Variants in PARP2 observed in about 807,000 individuals in gnomAD.
The protein encoded by PARP2 is poly(ADP-ribose) polymerase 2.
A neutral mutation model predicts 77.8 loss-of-function variants in PARP2; 57 were observed. The observed-to-expected ratio is 0.73, with a 90% CI of 0.59 to 0.91. The LOEUF (loss-of-function observed/expected upper bound fraction) is 0.91. Among genes scored for constraint, PARP2 ranks in the 40% least tolerant of loss-of-function variants. The pLI is 0.00. For missense variants in PARP2, 651 were observed against 689.0 expected (o/e 0.94, Z 0.62); for synonymous variants, 226 against 242.6 (o/e 0.93, Z 0.64).
intron 8 of PARP2, 155 bp from the exon 9 acceptor site, chr14:20,354,654 C>T: frequency 1.4e-6 from 1 of 706,528 alleles, no homozygotes. Context: ...GTGTTTGTGC[C>T]ACGGCACTCA....
At chr14:20,345,325 C>G (rs183840359) in intron 2 of PARP2, 69 bp from the exon 3 acceptor site, 2 of 1,381,968 alleles carry the variant, frequency 1.4e-6, no homozygotes, top group Admixed American at 1.8e-5. Flanking sequence ...TTAATCCTGA[C>G]AAGTTTCTGT....
rs1594302243 is a variant in PARP2, at chr14:20,354,192, G to C, written c.708G>C (p.Gln236His). ...QELIKLICNV[Q>H]AMEEMMMEMK... ...TAATAAAGTTGATCTGTAATGTTCA[G>C]GCCATGGAAGAAATGATGATGGAAA... Residue 236 changes from glutamine to histidine, a missense_variant, in exon 8 of 16, where the codon CAG (glutamine) becomes CAC (histidine). Gln to His is a conservative substitution (Grantham distance 24, BLOSUM62 0). Coordinates refer to ENST00000429687, the MANE Select transcript of PARP2 (RefSeq NM_001042618.2). 1 of 1,613,704 alleles carries C rather than the reference G, an allele frequency of 6.2e-7. No homozygotes were observed. The highest frequency in any genetic ancestry group is 2.2e-5 in the East Asian group (1 of 44,866).
In PARP2 at chr14:20,355,975, T is replaced by G; in HGVS notation, c.1045T>G (p.Tyr349Asp). ...CCCAGAACACCCATTGGACCAACAC[T>G]ATAGAAACCTACATTGTGCCTTGCG... ...QSPEHPLDQH[Y>D]RNLHCALRPL... is the part of the protein sequence containing the mutation. Residue 349 changes from tyrosine (Y) to aspartate (D), a missense_variant, in exon 11 of 16, where the codon TAT becomes GAT. Tyr to Asp is a radical substitution (Grantham distance 160, BLOSUM62 -3). Transcript: ENST00000429687. 1.9e-6 allele frequency: 3 copies of G among 1,614,044 alleles called. No homozygotes were observed. Among genetic ancestry groups the G allele is most frequent in the Non-Finnish European group, 2.5e-6 (3 of 1,179,902 alleles).
chr14:20,356,356 A>G lies in PARP2; in HGVS notation c.1151A>G (p.Tyr384Cys), dbSNP rs777215188. 3 of 1,613,990 alleles carry G rather than the reference A, an allele frequency of 1.9e-6. No individual in the cohort carries two copies. The highest frequency in any genetic ancestry group is 1.3e-5 in the African/African-American group (1 of 74,940). Residue 384 changes from tyrosine to cysteine, a missense_variant, in exon 12 of 16, where the codon TAT becomes TGT. Physicochemically the swap from Tyr to Cys is radical, Grantham distance 194. Transcript: ENST00000429687. ...QSTHAPTHSD[Y>C]TMTLLDLFEV... ...ACCCATGCTCCCACACACAGCGACT[A>G]TACCATGACCTTGCTGGATTTGTTT...
chr14:20,345,265 G>C (rs1445108280), intron 2 of PARP2, 129 bp from the exon 3 acceptor site: 14 of 1,026,236 alleles, frequency 1.4e-5, no homozygotes, highest in African/African-American at 1.6e-5. Context: ...TCATGTATTT[G>C]AGATGGATTG....
At chr14:20,356,209 A>G (rs963826147) in intron 11 of PARP2, 98 bp from the exon 12 acceptor site, 61 of 1,472,280 alleles carry the variant, frequency 4.1e-5, no homozygotes, top group Non-Finnish European at 5.2e-5. Context: ...GTTTGGGAGC[A>G]GAAAGGTCTG....
At chr14:20,351,398 C>T (rs1298424121) in intron 6 of PARP2, among the ~76,000 whole-genome samples, 7 of 152,106 alleles carry the variant, frequency 4.6e-5, no homozygotes, top group South Asian at 4.1e-4. Flanking sequence ...AGGCTGGTCT[C>T]GAACCCCTGA....
rs200044090 is a variant in PARP2, at chr14:20,355,933, A to C, written c.1003A>C (p.Lys335Gln). The C allele has an allele frequency of 6.2e-7, 1 of 1,614,206 alleles. No individual in the cohort carries two copies. Among genetic ancestry groups the C allele is most frequent in the Non-Finnish European group, 8.5e-7 (1 of 1,180,008 alleles). Residue 335 changes from lysine (K) to glutamine (Q), a missense_variant, in exon 11 of 16, where the codon AAA becomes CAA. Lys to Gln is a moderately conservative substitution (Grantham distance 53). Coordinates refer to ENST00000429687, the MANE Select transcript of PARP2 (RefSeq NM_001042618.2). ...GDIEIAIKLV[K>Q]TELQSPEHPL... ...CATTGAAATTGCTATTAAGCTGGTG[A>C]AAACAGAGCTACAAAGCCCAGAACA...
intron 12 of PARP2, 54 bp downstream of exon 12, chr14:20,356,488 G>A (rs1253765419): frequency 3.1e-6 from 5 of 1,612,330 alleles, no homozygotes; most frequent in Non-Finnish European, 3.4e-6. Flanking sequence ...AAGTACAGCT[G>A]TAGAACTTAT....
rs1884216914 is a variant in PARP2, at chr14:20,357,856, TA to T, written c.*60del. On this transcript the variant is annotated 3_prime_UTR_variant, in exon 16 of 16. Transcript: ENST00000429687. Reference sequence around the variant, plus strand: ...TCAAGCAAGAAAATAAGCAGTGTTGTACTTGTGAATTTTGTGATATTTTATG... The same window carrying T: ...TCAAGCAAGAAAATAAGCAGTGTTGTCTTGTGAATTTTGTGATATTTTATG... 9 of 1,483,968 alleles carry T rather than the reference TA, an allele frequency of 6.1e-6. No homozygotes were observed. The highest frequency in any genetic ancestry group is 8.3e-6 in the Non-Finnish European group (9 of 1,080,226). 91.9% of individuals were successfully genotyped at this position (1,483,968 alleles called of 1,614,324 possible). A position where few individuals can be genotyped will look rare whatever the true frequency, so the allele number is the denominator to read the frequency against.
chr14:20,346,628 G>T, intron 3 of PARP2: 1 of 394,310 alleles, frequency 2.5e-6, no homozygotes, highest in South Asian at 4.3e-5. Flanking sequence ...GCCACCATGC[G>T]CAGCCTAACT....
At chr14:20,356,060 T>A (rs894541716) in intron 11 of PARP2, 29 bp downstream of exon 11, 3 of 1,611,114 alleles carry the variant, frequency 1.9e-6, no homozygotes, top group Middle Eastern at 1.7e-4. Context: ...TATTTTCATA[T>A]TCTTGCACCC....
chr14:20,349,079 C>T (rs1417665939), intron 4 of PARP2, among the ~76,000 whole-genome samples: 1 of 152,062 alleles, frequency 6.6e-6, no homozygotes, highest in Non-Finnish European at 1.5e-5. Context: ...TGGCTCATGC[C>T]TGTCATCCTA....
chr14:20,345,307 G>A (rs907806745), intron 2 of PARP2, 87 bp from the exon 3 acceptor site: 5 of 1,246,712 alleles, frequency 4.0e-6, no homozygotes, highest in Non-Finnish European at 5.8e-6. Flanking sequence ...TTGGTTGGGC[G>A]GGCAAAGTTA....
intron 1 of PARP2, chr14:20,344,353 C>T (rs527321480): frequency 6.5e-6 from 1 of 153,176 alleles, no homozygotes; most frequent in South Asian, 2.1e-4. Flanking sequence ...GACATTGGGA[C>T]ACAAGTAAAA....
In PARP2 at chr14:20,357,815, AC is replaced by A; in HGVS notation, c.*20del. 6.2e-7 allele frequency: 1 copy of A among 1,601,960 alleles called. No individual in the cohort carries two copies. The highest frequency in any genetic ancestry group is 1.1e-5 in the South Asian group (1 of 89,038). ...TGTGGTGAATGTTGATATTAAATAA[AC>A]CAGAGATCTGATCTTCAAGCAAGAA... On this transcript the variant is annotated 3_prime_UTR_variant, in exon 16 of 16. Coordinates refer to ENST00000429687, the MANE Select transcript of PARP2 (RefSeq NM_001042618.2).
intron 7 of PARP2, among the ~76,000 whole-genome samples, chr14:20,353,381 C>T (rs949298585): frequency 1.4e-4 from 22 of 152,008 alleles, no homozygotes; most frequent in Non-Finnish European, 2.9e-4. Context: ...GCTGGGACTA[C>T]AGGCGCCCGC....
chr14:20,347,496 A>G (rs1369417578), intron 4 of PARP2, among the ~76,000 whole-genome samples: 1 of 128,218 alleles, frequency 7.8e-6, no homozygotes, highest in Non-Finnish European at 1.6e-5. Flanking sequence ...GCTCACTGCA[A>G]TCTCTGCCTC....
rs1352541941 is a variant in PARP2, at chr14:20,347,375, TATATATATATATATATATATATA to T, written c.324+463_324+485del. On this transcript the variant is annotated intron_variant, in intron 4 of 15. Transcript: ENST00000429687. ...GTGTGTGTATATATATATATATATA[TATATATATATATATATATATATA>T]TTTTTTTTTTTTTTTTTTTTTTTTT... Among the ~76,000 whole-genome samples, 175 of 17,776 alleles carry T rather than the reference TATATATATATATATATATATATA, an allele frequency of 9.8e-3. 1 individual carries two copies. Among genetic ancestry groups the T allele is most frequent in the East Asian group, 0.014 (8 of 556 alleles). The allele number at this position is 17,776 out of a possible 152,430, so 11.7% of individuals were successfully genotyped here.
Sources: gnomAD v4.1 joint callset for allele counts (sites outside exome capture counted in the v4.1 genomes callset) on GRCh38, gnomAD v4.1.1 for gene constraint, MANE v1.5 for transcripts, NCBI Gene and HGNC (gene_info 2026-07-23, HGNC 2026-07-21) for gene names.